The following CATSPERB variants were observed in gnomAD, a reference collection of about 807,000 sequenced individuals.
CATSPERB encodes cation channel sperm-associated auxiliary subunit beta.
CATSPERB carries 93 observed loss-of-function variants against 128.3 expected under a neutral mutation model. That is an observed-to-expected ratio of 0.72 (90% CI 0.61 to 0.86). The LOEUF is 0.86. CATSPERB is among the 40% of genes least tolerant of loss of function. CATSPERB has a pLI of 0.00. For missense variants in CATSPERB, 1,153 were observed against 1,329.5 expected (o/e 0.87, Z 2.06); for synonymous variants, 381 against 448.8 (o/e 0.85, Z 1.91).
chr14:91,714,706 C>T (rs1229898078), intron 5 of CATSPERB, among the ~76,000 whole-genome samples: 1 of 151,780 alleles, frequency 6.6e-6, no homozygotes, highest in Non-Finnish European at 1.5e-5. Context: ...ATTACAGGTG[C>T]CCTCCACTGC....
intron 14 of CATSPERB, among the ~76,000 whole-genome samples, chr14:91,663,193 AC>A (rs1159255137): frequency 1.6e-3 from 240 of 152,162 alleles, no homozygotes; most frequent in Non-Finnish European, 1.5e-3. Context: ...TGATTCGGGG[AC>A]CTAACCAAAT....
At chr14:91,683,356 T>A (rs1053066026) in intron 11 of CATSPERB, among the ~76,000 whole-genome samples, 1 of 152,234 alleles carries the variant, frequency 6.6e-6, no homozygotes, top group East Asian at 1.9e-4. Flanking sequence ...AGAAATGGAA[T>A]GGAATTTCAC....
intron 20 of CATSPERB, 79 bp downstream of exon 20, chr14:91,617,518 C>A: frequency 9.7e-7 from 1 of 1,025,774 alleles, no homozygotes; most frequent in South Asian, 1.7e-5. Context: ...TAAAATGATG[C>A]TCATTAAATA....
chr14:91,704,034 T>C (rs559711799), intron 7 of CATSPERB, among the ~76,000 whole-genome samples: 32 of 152,224 alleles, frequency 2.1e-4, no homozygotes, highest in South Asian at 8.3e-4. Context: ...TATTAAATCA[T>C]AGGACACCTA....
At chr14:91,711,825 C>T (rs1425016171) in intron 5 of CATSPERB, among the ~76,000 whole-genome samples, 1 of 152,150 alleles carries the variant, frequency 6.6e-6, no homozygotes, top group Non-Finnish European at 1.5e-5. Flanking sequence ...CTAAATAAGC[C>T]ATAAAACACA....
chr14:91,672,873 A>G lies in CATSPERB; in HGVS notation c.1122T>C (p.Tyr374=), dbSNP rs556196448. The G allele has an allele frequency of 3.2e-6, 5 of 1,564,870 alleles. No individual in the cohort carries two copies. In the African/African-American group the frequency reaches 4.2e-5, roughly 13 times the overall value. ...TCTGGGATATAAGGCCTACCTTGTTATAGAAGAGGTAAACTCCAGTACCAC... is the reference window on the plus strand; with the variant it reads ...TCTGGGATATAAGGCCTACCTTGTTGTAGAAGAGGTAAACTCCAGTACCAC... The part of the protein sequence containing the change: ...QERGTGVYLF[Y]NKVRKTAIAS... Residue 374 remains tyrosine (Y), a synonymous_variant, in exon 13 of 27, where the codon TAT becomes TAC. Transcript: ENST00000256343.
chr14:91,602,419 T>C (rs1441482940), intron 22 of CATSPERB, among the ~76,000 whole-genome samples: 1 of 152,162 alleles, frequency 6.6e-6, no homozygotes, highest in Non-Finnish European at 1.5e-5. Flanking sequence ...AGCAATAGTC[T>C]TAGAAAAGAT....
At chr14:91,608,253 A>T in intron 22 of CATSPERB, 41 bp downstream of exon 22, 1 of 1,217,330 alleles carries the variant, frequency 8.2e-7, no homozygotes, top group Non-Finnish European at 1.2e-6. Flanking sequence ...GATTTCCTGA[A>T]TTCAAATAAG....
At chr14:91,636,605 A>G in intron 16 of CATSPERB, 26 bp from the exon 17 acceptor site, 2 of 1,576,876 alleles carry the variant, frequency 1.3e-6, no homozygotes, top group Non-Finnish European at 1.7e-6. Flanking sequence ...AGAAAATATT[A>G]TATTTAAACT....
intron 18 of CATSPERB, among the ~76,000 whole-genome samples, chr14:91,623,825 C>T (rs1209720473): frequency 6.6e-6 from 1 of 152,184 alleles, no homozygotes; most frequent in Admixed American, 6.5e-5. Context: ...TTAGAATAAA[C>T]TGTACTAACT....
intron 14 of CATSPERB, among the ~76,000 whole-genome samples, chr14:91,661,783 C>T (rs940781772): frequency 6.6e-6 from 1 of 151,876 alleles, no homozygotes; most frequent in African/African-American, 2.4e-5. Flanking sequence ...CTTGGCCTCC[C>T]GAAGTGCTGG....
intron 14 of CATSPERB, among the ~76,000 whole-genome samples, chr14:91,668,800 C>T (rs957136562): frequency 6.6e-6 from 1 of 152,134 alleles, no homozygotes; most frequent in African/African-American, 2.4e-5. Flanking sequence ...CTGAAGTCAG[C>T]GAGACCACGC....
chr14:91,620,475 C>G lies in CATSPERB; in HGVS notation c.2260+1133G>C, dbSNP rs1055626266. On this transcript the variant is annotated intron_variant, in intron 19 of 26. Coordinates refer to ENST00000256343, the MANE Select transcript of CATSPERB (RefSeq NM_024764.4). Reference sequence around the variant, plus strand: ...TGGCACAATTTTCTTCTTTTCCTTGCCCTTTCTCCCCTACTCCCTCCCTTC... The same window carrying G: ...TGGCACAATTTTCTTCTTTTCCTTGGCCTTTCTCCCCTACTCCCTCCCTTC... Among the ~76,000 whole-genome samples, 3 of 152,192 alleles carry G rather than the reference C, an allele frequency of 2.0e-5. No individual in the cohort carries two copies. In the East Asian group the frequency reaches 5.8e-4, roughly 29 times the overall value.
At chr14:91,583,050 G>T (rs1893233621) in intron 26 of CATSPERB, among the ~76,000 whole-genome samples, 1 of 152,122 alleles carries the variant, frequency 6.6e-6, no homozygotes, top group South Asian at 2.1e-4. Context: ...TCTGTACCTG[G>T]TCTCTCCATC....
In CATSPERB at chr14:91,604,334, G is replaced by C; in HGVS notation, c.2709+3960C>G. The C allele has an allele frequency of 3.9e-6, 3 of 771,300 alleles. No individual in the cohort carries two copies. The South Asian group carries it at 4.3e-5, about 11-fold the overall frequency. The allele number at this position is 771,300 out of a possible 1,614,324, so 47.8% of individuals were successfully genotyped here. The stretch of plus-strand genomic sequence containing the variant: ...ACAAGAAAAATCCTATGAGGGATGG[G>C]AGGAGGGGAGAGGAAGGATTCAGCC... On this transcript the variant is annotated intron_variant, in intron 22 of 26. Transcript: ENST00000256343.
At chr14:91,629,300 T>C (rs764948287) in intron 17 of CATSPERB, among the ~76,000 whole-genome samples, 4 of 152,208 alleles carry the variant, frequency 2.6e-5, no homozygotes, top group Non-Finnish European at 4.4e-5. Flanking sequence ...ATTCAAACTA[T>C]ATGACATTCT....
chr14:91,584,117 G>A (rs1893255496), intron 26 of CATSPERB, among the ~76,000 whole-genome samples: 1 of 151,880 alleles, frequency 6.6e-6, no homozygotes, highest in Non-Finnish European at 1.5e-5. Flanking sequence ...CAGGCTGGAT[G>A]AAGTGCAGTG....
At position 91,659,909 on chromosome 14, in the gene CATSPERB, T is replaced by G. The variant is rs143110563; in HGVS notation, c.1360A>C (p.Thr454Pro). The G allele has an allele frequency of 1.2e-6, 2 of 1,604,262 alleles. No homozygotes were observed. Among genetic ancestry groups the G allele is most frequent in the African/African-American group, 2.7e-5 (2 of 74,190 alleles). ...ANFHDDIIKK[T>P]FHSFYTSAIT... ...GCTGATGTATAAAAACTATGAAAAG[T>G]CTTCTTTATGATATCATCATGAAAG... The change falls in exon 15 of 27, where the codon ACT becomes CCT. Residue 454 changes from threonine (T) to proline (P), a missense_variant. Transcript: ENST00000256343.
intron 22 of CATSPERB, chr14:91,603,319 G>C (rs1893640404): frequency 6.4e-7 from 1 of 1,565,892 alleles, no homozygotes; most frequent in Non-Finnish European, 8.8e-7. Flanking sequence ...TCTGTATCAG[G>C]AAATAGTGGG....
Sources: allele counts gnomAD v4.1 joint callset (sites outside exome capture counted in the v4.1 genomes callset), GRCh38; gene constraint gnomAD v4.1.1; transcripts MANE v1.5; gene names NCBI Gene and HGNC (gene_info 2026-07-23, HGNC 2026-07-21).